Variants in PRKD2 observed in about 807,000 individuals in gnomAD.
PRKD2 encodes protein kinase D2.
Under a neutral mutation model 86.0 loss-of-function variants are expected in PRKD2, and 22 were observed. That is an observed-to-expected ratio of 0.26 (90% CI 0.18 to 0.37). PRKD2 has a LOEUF of 0.37. PRKD2 is among the 10% of genes least tolerant of loss of function. The pLI is 1.00. For missense variants in PRKD2, 818 were observed against 1,199.2 expected (o/e 0.68, Z 4.70); for synonymous variants, 509 against 510.9 (o/e 1.00, Z 0.05).
rs371737313 is a variant in PRKD2, at chr19:46,704,611, T to C, written c.550A>G (p.Ile184Val). 1.2e-5 allele frequency: 19 copies of C among 1,613,266 alleles called. No homozygotes were observed. The highest frequency in any genetic ancestry group is 5.0e-5 in the Admixed American group (3 of 59,888). ...CGGGCCCCACTACAGTTGTTGGGGA[T>C]GCTGAAGGCACAGCGCTTGTGGTAG... is the stretch of plus-strand genomic sequence containing the variant. ...LNYHKRCAFS[I>V]PNNCSGARKR... Residue 184 changes from isoleucine to valine, a missense_variant, in exon 4 of 18, where the codon ATC becomes GTC. Ile to Val is a conservative substitution (Grantham distance 29, BLOSUM62 3). Coordinates refer to ENST00000291281, the MANE Select transcript of PRKD2 (RefSeq NM_016457.5).
At chr19:46,681,844 T>C in intron 14 of PRKD2, 96 bp from the exon 15 acceptor site, 1 of 680,850 alleles carries the variant, frequency 1.5e-6, no homozygotes, top group Non-Finnish European at 2.4e-6. Flanking sequence ...CCATACTTTT[T>C]TTTTTTTTTT....
Position 46,704,627 on chromosome 19 carries a change from C to T in PRKD2, c.534G>A (p.Lys178=). 1 of 1,611,202 alleles carries T rather than the reference C, an allele frequency of 6.2e-7. No individual in the cohort carries two copies. Among genetic ancestry groups the T allele is most frequent in the Non-Finnish European group, 8.5e-7 (1 of 1,178,256 alleles). The part of the protein sequence containing the change: ...KCDGCGLNYH[K]RCAFSIPNNC... ...TGTTGGGGATGCTGAAGGCACAGCG[C>T]TTGTGGTAGTTCAGCCCGCAGCCTG... is the stretch of plus-strand genomic sequence containing the variant. The change falls in exon 4 of 18, where the codon AAG becomes AAA. Residue 178 remains lysine (K), a synonymous_variant. Coordinates refer to ENST00000291281, the MANE Select transcript of PRKD2 (RefSeq NM_016457.5).
chr19:46,710,582 C>T, intron 3 of PRKD2: 1 of 301,670 alleles, frequency 3.3e-6, no homozygotes, highest in East Asian at 5.5e-5. Context: ...TGTTTCTCTG[C>T]TTGATCCCTA....
intron 8 of PRKD2, 40 bp downstream of exon 8, chr19:46,697,693 C>G: frequency 6.4e-7 from 1 of 1,570,262 alleles, no homozygotes. Context: ...CCTCTTCCAG[C>G]CTTCGCTCCG....
intron 15 of PRKD2, among the ~76,000 whole-genome samples, chr19:46,680,930 ATATATATATATATATATT>A (rs1426212373): frequency 1.5e-5 from 1 of 65,400 alleles, no homozygotes; most frequent in Non-Finnish European, 3.3e-5. Context: ...TAAACTATAT[ATATATATATATATATATT>A]TTTTTTTTTT....
intron 5 of PRKD2, among the ~76,000 whole-genome samples, chr19:46,701,843 C>T (rs1163835247): frequency 6.6e-6 from 1 of 151,942 alleles, no homozygotes; most frequent in Non-Finnish European, 1.5e-5. Context: ...TACTGGATGC[C>T]AGTAGCACTA....
Position 46,678,419 on chromosome 19 carries a change from G to T in PRKD2, c.2315C>A (p.Pro772His). The T allele has an allele frequency of 6.2e-7, 1 of 1,614,090 alleles. No individual in the cohort carries two copies. The highest frequency in any genetic ancestry group is 8.5e-7 in the Non-Finnish European group (1 of 1,179,998). Reference sequence around the variant, plus strand: ...ACCTCCAGCTGAGATGTGGCTCCAGGGGCTGGCCGGGTACATGAAGGCGGC... The same window carrying T: ...ACCTCCAGCTGAGATGTGGCTCCAGTGGCTGGCCGGGTACATGAAGGCGGC... Reference protein sequence around the residue: ...QNAAFMYPASPWSHISAGAID... With the variant: ...QNAAFMYPASHWSHISAGAID... Residue 772 changes from proline to histidine, a missense_variant, in exon 16 of 18, where the codon CCC (proline) becomes CAC (histidine). Physicochemically the swap from Pro to His is moderately conservative, Grantham distance 77 (BLOSUM62 -2). Around this residue, in one of 5 missense-constraint regions of PRKD2, gnomAD observed 132 missense variants for 146.2 expected, o/e 0.90. Transcript: ENST00000291281. The surrounding 1 kb of genome is among the most constrained non-coding windows in gnomAD (Gnocchi z 5.7).
At position 46,701,861 on chromosome 19, in the gene PRKD2, G is replaced by A. The variant is rs73565151; in HGVS notation, c.890-749C>T. ...TGGATGCCAGTAGCACTATCCCAGC[G>A]TACCAAACAAAACCATCTCCAACCC... On this transcript the variant is annotated intron_variant, in intron 5 of 17. Transcript: ENST00000291281. Among the ~76,000 whole-genome samples the A allele has an allele frequency of 4.3e-3, 646 of 151,928 alleles. 7 individuals carry two copies. Among genetic ancestry groups the A allele is most frequent in the African/African-American group, 0.014 (579 of 41,406 alleles).
intron 14 of PRKD2, among the ~76,000 whole-genome samples, chr19:46,685,176 T>C (rs772398311): frequency 1.3e-5 from 2 of 151,184 alleles, no homozygotes; most frequent in Non-Finnish European, 2.9e-5. Flanking sequence ...GGACAATTGT[T>C]TGAACCTGGG....
At chr19:46,690,791 G>GC (rs1568722680) in intron 12 of PRKD2, 85 bp from the exon 13 acceptor site, 3 of 1,243,378 alleles carry the variant, frequency 2.4e-6, no homozygotes, top group Non-Finnish European at 3.5e-6. Flanking sequence ...GCCAACCTCT[G>GC]CCCCCCACCA....
chr19:46,691,296 T>C (rs2053480116), intron 12 of PRKD2, among the ~76,000 whole-genome samples: 1 of 151,728 alleles, frequency 6.6e-6, no homozygotes, highest in Non-Finnish European at 1.5e-5. Flanking sequence ...ACCCTCCTAT[T>C]CAATCAGAAT....
intron 3 of PRKD2, among the ~76,000 whole-genome samples, chr19:46,709,918 A>C (rs1658331037): frequency 6.6e-6 from 1 of 151,654 alleles, no homozygotes. Context: ...TTCTGTTTTC[A>C]GAAGGAGTCT....
In PRKD2 at chr19:46,678,812, G is replaced by A; in HGVS notation, c.2071-149C>T. The A allele has an allele frequency of 1.1e-6, 1 of 900,372 alleles. No homozygotes were observed. Among genetic ancestry groups the A allele is most frequent in the Non-Finnish European group, 1.6e-6 (1 of 609,180 alleles). 55.8% of individuals were successfully genotyped at this position (900,372 alleles called of 1,614,324 possible). ...TTGGCTCACTAGCTGAGCAACCCTG[G>A]GCAGGTGACTTCCCCCCTCTGTGCC... On this transcript the variant is annotated intron_variant, in intron 15 of 17. Transcript: ENST00000291281. The surrounding 1 kb of genome is among the most constrained non-coding windows in gnomAD (Gnocchi z 5.7).
chr19:46,684,134 AAT>A (rs1186802362), intron 14 of PRKD2, among the ~76,000 whole-genome samples: 1 of 152,114 alleles, frequency 6.6e-6, no homozygotes, highest in Non-Finnish European at 1.5e-5. Context: ...TTTTTAAAAA[AAT>A]CTTTTTGTAG....
In PRKD2 at chr19:46,704,368, C is replaced by T. The variant is rs747762476; in HGVS notation, c.690G>A (p.Leu230=). 2 of 1,614,014 alleles carry T rather than the reference C, an allele frequency of 1.2e-6. No individual in the cohort carries two copies. The highest frequency in any genetic ancestry group is 1.1e-5 in the South Asian group (1 of 91,088). Residue 230 remains leucine, a synonymous_variant, in exon 5 of 18, where the codon CTG becomes CTA. Transcript: ENST00000291281. ...EELSRSTTEL[L]PRRPPSSSSS... ...AAGAGGATGACGGGGGACGGCGAGGCAGGAGTTCGGTGGTGCTACGGCTCT... is the reference window on the plus strand; with the variant it reads ...AAGAGGATGACGGGGGACGGCGAGGTAGGAGTTCGGTGGTGCTACGGCTCT...
At chr19:46,679,461 G>A (rs2053263246) in intron 15 of PRKD2, among the ~76,000 whole-genome samples, 1 of 152,204 alleles carries the variant, frequency 6.6e-6, no homozygotes, top group Admixed American at 6.6e-5. Context: ...AATGACCCTC[G>A]ATGATCTCAG....
intron 16 of PRKD2, among the ~76,000 whole-genome samples, chr19:46,677,818 G>A (rs960278897): frequency 1.3e-5 from 2 of 152,062 alleles, no homozygotes; most frequent in East Asian, 1.9e-4. Context: ...GGACCTCTTC[G>A]GAAACCCTCC....
In PRKD2 at chr19:46,694,035, G is replaced by A. The variant is rs750937254; in HGVS notation, c.1416C>T (p.Ala472=). The change falls in exon 10 of 18, where the codon GCC becomes GCT. Residue 472 remains alanine (A), a synonymous_variant. Transcript: ENST00000291281. ...TNPHCFEIVT[A]NATYFVGEMP... is the part of the protein sequence containing the mutation. ...TCTCGCCCACGAAGTAGGTGGCATT[G>A]GCAGTGACGATCTCAAAGCAGTGTG... The A allele has an allele frequency of 6.2e-7, 1 of 1,614,182 alleles. No individual in the cohort carries two copies. The highest frequency in any genetic ancestry group is 1.7e-5 in the Admixed American group (1 of 60,028).
intron 3 of PRKD2, among the ~76,000 whole-genome samples, chr19:46,709,672 T>G (rs892128563): frequency 4.0e-5 from 6 of 151,678 alleles, no homozygotes; most frequent in Admixed American, 6.6e-5. Context: ...AGTGGAGGTA[T>G]TTTCTGGATG....
Sources: allele counts gnomAD v4.1 joint callset (sites outside exome capture counted in the v4.1 genomes callset), GRCh38; gene constraint gnomAD v4.1.1; regional missense constraint gnomAD v4.1.1; non-coding constraint Gnocchi (gnomAD v3.1); transcripts MANE v1.5; gene names NCBI Gene and HGNC (gene_info 2026-07-23, HGNC 2026-07-21).